The following LCORL variants were observed in gnomAD, a reference collection of about 807,000 sequenced individuals.
The protein encoded by LCORL is ligand dependent nuclear receptor corepressor like.
Under a neutral mutation model 141.8 loss-of-function variants are expected in LCORL, and 41 were observed. The ratio of observed to expected loss-of-function variants is 0.29; its 90% confidence interval spans 0.23 to 0.38. LCORL has a LOEUF of 0.38. LCORL is among the 10% of genes least tolerant of loss of function. LCORL has a pLI of 1.00. For missense variants in LCORL, 1,759 were observed against 2,035.0 expected (o/e 0.86, Z 2.61); for synonymous variants, 618 against 694.1 (o/e 0.89, Z 1.72).
intron 1 of LCORL, chr4:18,020,573 GA>G (rs879880011): frequency 9.7e-4 from 123 of 126,236 alleles, no homozygotes; most frequent in African/African-American, 1.7e-3. Flanking sequence ...GGCAAAAAAA[GA>G]AAAAAAAAAA....
chr4:17,844,655 G>GTTGTTTAAA (rs1311844488), exon 8 of LCORL: 2 of 147,966 alleles, frequency 1.4e-5, no homozygotes, highest in Non-Finnish European at 3.0e-5. Flanking sequence ...CTTATGTGTT[G>GTTGTTTAAA]TTGTTTTAAA....
At chr4:17,996,703 T>C (rs1163126261) in intron 1 of LCORL, among the ~76,000 whole-genome samples, 1 of 152,086 alleles carries the variant, frequency 6.6e-6, no homozygotes, top group African/African-American at 2.4e-5. Context: ...AAAAAAGTTT[T>C]ATAATTCCAA....
intron 6 of LCORL, chr4:17,881,635 A>G (rs1387783377): frequency 1.0e-6 from 1 of 974,956 alleles, no homozygotes; most frequent in Non-Finnish European, 1.2e-6. Context: ...GTCATCTTTT[A>G]AATGATACAA....
chr4:17,971,958 A>T (rs1397060498), intron 2 of LCORL, among the ~76,000 whole-genome samples: 5 of 151,796 alleles, frequency 3.3e-5, no homozygotes, highest in African/African-American at 1.2e-4. Flanking sequence ...ACGCCTAATA[A>T]GAAATGTATT....
In LCORL at chr4:17,873,604, TTG is replaced by T. The variant is rs1726605529; in HGVS notation, c.5384_5385del (p.Thr1795LysfsTer2). On this transcript the variant is annotated frameshift_variant, in exon 7 of 8. Coordinates refer to ENST00000635767, the Ensembl canonical transcript of LCORL. LOFTEE classifies it high-confidence loss of function. ...GCAAATTCATCAGCTGAAGGATTAT[TTG>T]TGTTAGCATTTTCTATTTCTTTAGA... 8.1e-7 allele frequency: 1 copy of T among 1,233,742 alleles called. No homozygotes were observed. The highest frequency in any genetic ancestry group is 1.0e-6 in the Non-Finnish European group (1 of 987,842). The allele number at this position is 1,233,742 out of a possible 1,614,324, so 76.4% of individuals were successfully genotyped here.
intron 7 of LCORL, among the ~76,000 whole-genome samples, chr4:17,863,694 A>G (rs1404390366): frequency 6.6e-6 from 1 of 152,242 alleles, no homozygotes; most frequent in East Asian, 1.9e-4. Context: ...ACACATGCAC[A>G]TGTACATTTA....
At chr4:17,949,503 C>T (rs1739396337) in intron 4 of LCORL, among the ~76,000 whole-genome samples, 1 of 152,036 alleles carries the variant, frequency 6.6e-6, no homozygotes, top group South Asian at 2.1e-4. Context: ...TCCCAATAAC[C>T]CCCTCTTCCT....
Position 17,880,946 on chromosome 4 carries a change from CCA to C in LCORL, c.777-2735_777-2734del, listed in dbSNP as rs561655907. ...ACAAAATCTGTCAAAATCAAGGCAG[CCA>C]CAGAGTTTTACTAAATTACTGCGAC... is the stretch of plus-strand genomic sequence containing the variant. On this transcript the variant is annotated intron_variant, in intron 6 of 7. Transcript: ENST00000635767. The C allele has an allele frequency of 1.6e-3, 1,527 of 981,026 alleles. 5 individuals are homozygous for C. Among genetic ancestry groups the C allele is most frequent in the Non-Finnish European group, 1.5e-3 (1,277 of 826,510 alleles). 60.8% of individuals were successfully genotyped at this position (981,026 alleles called of 1,614,324 possible). A position where few individuals can be genotyped will look rare whatever the true frequency, so the allele number is the denominator to read the frequency against.
At chr4:17,966,083 T>C (rs1368720108) in intron 2 of LCORL, among the ~76,000 whole-genome samples, 1 of 152,136 alleles carries the variant, frequency 6.6e-6, no homozygotes, top group Non-Finnish European at 1.5e-5. Context: ...TGGAATTACA[T>C]ATTAACTATA....
At chr4:17,924,086 T>C (rs552775923) in intron 4 of LCORL, among the ~76,000 whole-genome samples, 4 of 152,024 alleles carry the variant, frequency 2.6e-5, no homozygotes, top group East Asian at 2.0e-4. Context: ...TAGATGGTCA[T>C]GGACTTGGAA....
intron 7 of LCORL, among the ~76,000 whole-genome samples, chr4:17,851,664 G>T (rs76904693): frequency 2.0e-5 from 3 of 152,052 alleles, no homozygotes; most frequent in Admixed American, 2.0e-4. Flanking sequence ...GAATATTCTT[G>T]CATGTGTTCA....
At chr4:17,948,954 G>T (rs141115271) in intron 4 of LCORL, among the ~76,000 whole-genome samples, 1 of 151,972 alleles carries the variant, frequency 6.6e-6, no homozygotes, top group Non-Finnish European at 1.5e-5. Flanking sequence ...TCTAAGCAGC[G>T]TAAGGGCTGA....
chr4:18,003,051 A>T (rs1235894006), intron 1 of LCORL, among the ~76,000 whole-genome samples: 2 of 152,194 alleles, frequency 1.3e-5, no homozygotes, highest in African/African-American at 4.8e-5. Flanking sequence ...ATCTGACCTC[A>T]AGCCAACTTT....
chr4:17,909,559 T>C (rs1053103005), intron 4 of LCORL, among the ~76,000 whole-genome samples: 13 of 152,114 alleles, frequency 8.5e-5, no homozygotes, highest in African/African-American at 3.1e-4. Flanking sequence ...TTTAATTACT[T>C]CTTACAATTA....
chr4:17,849,176 C>G (rs1370568244), intron 7 of LCORL, among the ~76,000 whole-genome samples: 2 of 152,184 alleles, frequency 1.3e-5, no homozygotes, highest in South Asian at 4.1e-4. Flanking sequence ...TTGAAGAGAG[C>G]AGTGGTTCTC....
exon 8 of LCORL, chr4:17,843,526 T>G (rs1722634230): frequency 7.3e-7 from 1 of 1,366,654 alleles, no homozygotes; most frequent in Non-Finnish European, 1.0e-6. Context: ...CTGATGTCTT[T>G]CTGAAGATTT....
intron 4 of LCORL, among the ~76,000 whole-genome samples, chr4:17,931,493 C>T (rs933765431): frequency 5.3e-5 from 8 of 151,816 alleles, no homozygotes; most frequent in Admixed American, 1.3e-4. Flanking sequence ...ATTATATCCC[C>T]TAGATTCTTA....
At chr4:17,842,049 C>A in exon 8 of LCORL, 1 of 358,686 alleles carries the variant, frequency 2.8e-6, no homozygotes, top group Non-Finnish European at 5.2e-6. Flanking sequence ...TAAAATTTGC[C>A]TTCTTTTAAC....
chr4:17,872,141 TATATA>T (rs753907860), intron 7 of LCORL, among the ~76,000 whole-genome samples: 4 of 151,176 alleles, frequency 2.6e-5, no homozygotes, highest in African/African-American at 4.9e-5. Context: ...ATGATGCAAC[TATATA>T]ATATCTTTAA....
Sources: gnomAD v4.1 joint callset for allele counts (sites outside exome capture counted in the v4.1 genomes callset) on GRCh38, gnomAD v4.1.1 for gene constraint, MANE v1.5 for transcripts, NCBI Gene and HGNC (gene_info 2026-07-23, HGNC 2026-07-21) for gene names.